The following RBM26 variants were observed in gnomAD, a reference collection of about 807,000 sequenced individuals.
The protein encoded by RBM26 is RNA-binding protein 26.
Under a neutral mutation model 123.6 loss-of-function variants are expected in RBM26, and 30 were observed. That is an observed-to-expected ratio of 0.24 (90% CI 0.18 to 0.33). The LOEUF (loss-of-function observed/expected upper bound fraction) is 0.33. Ranked by LOEUF, RBM26 falls within the 10% of genes least tolerant of loss-of-function variation. The pLI, the probability that RBM26 is intolerant of heterozygous loss-of-function variation, is 1.00. For synonymous variants in RBM26, 400 were observed against 404.4 expected, an observed-to-expected ratio of 0.99 and a Z score of 0.13; for missense variants, 947 against 1,203.6, an observed-to-expected ratio of 0.79 and a Z score of 3.15.
chr13:79,353,198 G>A lies in RBM26; in HGVS notation c.2013C>T (p.Asp671=), dbSNP rs758651126. Residue 671 remains aspartate (D), a synonymous_variant, in exon 14 of 22, where the codon GAC becomes GAT. Coordinates refer to ENST00000438737, the MANE Select transcript of RBM26 (RefSeq NM_001366735.2). ...PQNVTKLSVK[D]RLGFVSKPSV... is the part of the protein sequence containing the mutation. ...ATGGCTTTGATACAAAACCCAACCT[G>A]TCCTTCACAGATAACTTAGTTACAT... is the stretch of plus-strand genomic sequence containing the variant. 3.2e-6 allele frequency: 5 copies of A among 1,587,238 alleles called. No homozygotes were observed. Among genetic ancestry groups the A allele is most frequent in the Non-Finnish European group, 4.3e-6 (5 of 1,164,886 alleles).
rs746118266 is a variant in RBM26 at position 79,342,766 on chromosome 13, T to A, written c.2325A>T (p.Lys775Asn). 6.2e-7 allele frequency: 1 copy of A among 1,610,076 alleles called. No individual in the cohort carries two copies. Among genetic ancestry groups the A allele is most frequent in the African/African-American group, 1.3e-5 (1 of 74,800 alleles). The change falls in exon 17 of 22, where the codon AAA becomes AAT. Residue 775 changes from lysine to asparagine, a missense_variant. Around this residue, in one of 5 missense-constraint regions of RBM26, gnomAD observed 493 missense variants for 563.1 expected, o/e 0.88. Coordinates refer to ENST00000438737, the MANE Select transcript of RBM26 (RefSeq NM_001366735.2). ...MKSEDKAEIM[K>N]TLEVLTKNIT... is the part of the protein sequence containing the mutation. ...TATTTTTTGTCAAAACCTCTAAAGT[T>A]TTCATTATTTCTGCTTTATCTTCAG...
chr13:79,397,623 A>C (rs2078691504), intron 1 of RBM26, among the ~76,000 whole-genome samples: 1 of 135,268 alleles, frequency 7.4e-6, no homozygotes, highest in Non-Finnish European at 1.5e-5. Flanking sequence ...TGGAGGCTGC[A>C]GTGAGCTGAG....
chr13:79,344,220 T>G lies in RBM26; in HGVS notation c.2259+28A>C, dbSNP rs76442380. 4 of 1,413,906 alleles carry G rather than the reference T, an allele frequency of 2.8e-6. No individual in the cohort carries two copies. The South Asian group carries it at 4.6e-5, about 16-fold the overall frequency. 87.6% of individuals were successfully genotyped at this position (1,413,906 alleles called of 1,614,324 possible). A position where few individuals can be genotyped will look rare whatever the true frequency, so the allele number is the denominator to read the frequency against. On this transcript the variant is annotated intron_variant, in intron 16 of 21. Coordinates refer to ENST00000438737, the MANE Select transcript of RBM26 (RefSeq NM_001366735.2). ...CACTCCAAATTATAACATTTGCAATTTGGCCAAATCTAACTTTAACATTTT... is the reference window on the plus strand; with the variant it reads ...CACTCCAAATTATAACATTTGCAATGTGGCCAAATCTAACTTTAACATTTT...
At chr13:79,404,036 T>G (rs1009615157) in intron 1 of RBM26, among the ~76,000 whole-genome samples, 3 of 152,168 alleles carry the variant, frequency 2.0e-5, no homozygotes, top group Non-Finnish European at 4.4e-5. Context: ...TTTCCCACAA[T>G]GTCATCGTCT....
chr13:79,319,948 G>GGTTTTTT lies in RBM26; in HGVS notation c.*672_*673insAAAAAAC. On this transcript the variant is annotated 3_prime_UTR_variant, in exon 22 of 22. Coordinates refer to ENST00000438737, the MANE Select transcript of RBM26 (RefSeq NM_001366735.2). Reference sequence around the variant, plus strand: ...TTTTAAATCAAGGAACATTGTCTTGGCTTTTTTTTTTTTTTTTTTTTTGTC... The same window carrying GGTTTTTT: ...TTTTAAATCAAGGAACATTGTCTTGGGTTTTTTCTTTTTTTTTTTTTTTTTTTTTGTC... The GGTTTTTT allele has an allele frequency of 2.3e-6, 1 of 438,096 alleles. No individual in the cohort carries two copies. Among genetic ancestry groups the GGTTTTTT allele is most frequent in the Non-Finnish European group, 2.5e-6 (1 of 396,112 alleles). 27.1% of individuals were successfully genotyped at this position (438,096 alleles called of 1,614,324 possible).
chr13:79,373,480 A>T (rs373934860), intron 3 of RBM26, among the ~76,000 whole-genome samples: 77 of 1,102 alleles, frequency 0.07, no homozygotes, highest in South Asian at 0.2. Context: ...ATAAATATAC[A>T]AATATATATA....
At chr13:79,316,669 T>C (rs1300945819), downstream of RBM26, among the ~76,000 whole-genome samples, 1 of 151,856 alleles carries the variant, frequency 6.6e-6, no homozygotes, top group African/African-American at 2.4e-5. Flanking sequence ...TAAAATTTAA[T>C]TTGATTATGT....
chr13:79,383,314 G>T (rs1051372368), intron 1 of RBM26, among the ~76,000 whole-genome samples: 1 of 152,064 alleles, frequency 6.6e-6, no homozygotes, highest in Non-Finnish European at 1.5e-5. Context: ...ACATTAGTCT[G>T]TTCAATTACT....
At chr13:79,367,629 C>G (rs1300872023) in intron 6 of RBM26, among the ~76,000 whole-genome samples, 1 of 151,878 alleles carries the variant, frequency 6.6e-6, no homozygotes, top group Non-Finnish European at 1.5e-5. Flanking sequence ...CCACCAACCC[C>G]ACTCTTGCTC....
At chr13:79,316,363 T>A (rs992968856), downstream of RBM26, among the ~76,000 whole-genome samples, 1 of 151,520 alleles carries the variant, frequency 6.6e-6, no homozygotes, top group Non-Finnish European at 1.5e-5. Flanking sequence ...AAATAGCCAG[T>A]GATATTTCAA....
At chr13:79,325,458 G>C (rs2068237951) in intron 20 of RBM26, among the ~76,000 whole-genome samples, 2 of 152,140 alleles carry the variant, frequency 1.3e-5, no homozygotes, top group African/African-American at 4.8e-5. Flanking sequence ...TTTAGACATA[G>C]ACTAATGTAT....
chr13:79,398,731 C>G (rs922471492), intron 1 of RBM26, among the ~76,000 whole-genome samples: 1 of 152,074 alleles, frequency 6.6e-6, no homozygotes, highest in African/African-American at 2.4e-5. Flanking sequence ...TGAACTTAAG[C>G]TTTACCTAAA....
intron 3 of RBM26, among the ~76,000 whole-genome samples, chr13:79,374,517 T>C (rs1033190838): frequency 6.6e-6 from 1 of 152,088 alleles, no homozygotes; most frequent in Non-Finnish European, 1.5e-5. Flanking sequence ...TGTGCCACTT[T>C]AGATGAGAAA....
intron 20 of RBM26, among the ~76,000 whole-genome samples, chr13:79,333,393 T>C (rs1161223754): frequency 3.3e-5 from 5 of 152,188 alleles, no homozygotes; most frequent in Non-Finnish European, 5.9e-5. Context: ...CATAGTCTTA[T>C]GGTTACAATG....
intron 14 of RBM26, among the ~76,000 whole-genome samples, chr13:79,350,540 A>G (rs1436211772): frequency 6.6e-6 from 1 of 152,212 alleles, no homozygotes; most frequent in East Asian, 1.9e-4. Flanking sequence ...ACCAGCAGCA[A>G]TTACGTTTTA....
intron 3 of RBM26, among the ~76,000 whole-genome samples, chr13:79,373,401 T>G (rs566016310): frequency 1.4e-5 from 1 of 74,054 alleles, no homozygotes; most frequent in Non-Finnish European, 2.3e-5. Flanking sequence ...ATATAATATA[T>G]ATTATATACT....
At chr13:79,339,003 T>C (rs2070929181) in intron 18 of RBM26, among the ~76,000 whole-genome samples, 1 of 152,196 alleles carries the variant, frequency 6.6e-6, no homozygotes. Flanking sequence ...GAGTCTTAGA[T>C]GTGAGATACC....
chr13:79,350,508 C>T (rs1344242690), intron 14 of RBM26, among the ~76,000 whole-genome samples: 1 of 152,124 alleles, frequency 6.6e-6, no homozygotes, highest in East Asian at 1.9e-4. Flanking sequence ...AACTAAATAC[C>T]TCTTGCAATA....
intron 11 of RBM26, among the ~76,000 whole-genome samples, chr13:79,358,043 G>A (rs9601216): frequency 0.48 from 73,233 of 152,058 alleles, 18,217 homozygotes; most frequent in East Asian, 0.72. Context: ...CCACCACACC[G>A]AGCTAATTTT....
Sources: allele counts gnomAD v4.1 joint callset (sites outside exome capture counted in the v4.1 genomes callset), GRCh38; gene constraint gnomAD v4.1.1; regional missense constraint gnomAD v4.1.1; transcripts MANE v1.5; gene names NCBI Gene and HGNC (gene_info 2026-07-23, HGNC 2026-07-21).